MDGA1: variants seen among roughly 807,000 people sequenced by gnomAD.
MDGA1 encodes the protein MAM domain-containing glycosylphosphatidylinositol anchor protein 1.
MDGA1 carries 54 observed loss-of-function variants against 101.5 expected under a neutral mutation model. That is an observed-to-expected ratio of 0.53 (90% CI 0.43 to 0.67). The LOEUF (loss-of-function observed/expected upper bound fraction) is 0.67, where lower values mean the gene tolerates loss of function less well. MDGA1 is among the 30% of genes least tolerant of loss of function. The pLI, the probability that MDGA1 is intolerant of heterozygous loss-of-function variation, is 0.00. For missense variants in MDGA1, 1,083 were observed against 1,323.8 expected (o/e 0.82, Z 2.82); for synonymous variants, 533 against 558.3 (o/e 0.95, Z 0.64).
intron 3 of MDGA1, among the ~76,000 whole-genome samples, chr6:37,656,991 G>A (rs1440791192): frequency 1.3e-5 from 2 of 152,082 alleles, no homozygotes; most frequent in African/African-American, 4.8e-5. Context: ...AACAATGATT[G>A]CCTCCCAGGG....
At chr6:37,671,636 A>C (rs893408744) in intron 1 of MDGA1, among the ~76,000 whole-genome samples, 7 of 152,220 alleles carry the variant, frequency 4.6e-5, no homozygotes, top group African/African-American at 1.2e-4. Flanking sequence ...TGAGGAAGCC[A>C]CAAACTCTCA....
At position 37,636,945 on chromosome 6, in the gene MDGA1, C is replaced by G. The variant is rs1187356089; in HGVS notation, c.*423G>C. The G allele has an allele frequency of 1.9e-5, 3 of 154,904 alleles. No individual in the cohort carries two copies. Among genetic ancestry groups the G allele is most frequent in the African/African-American group, 7.2e-5 (3 of 41,530 alleles). The allele number at this position is 154,904 out of a possible 1,614,324, so 9.6% of individuals were successfully genotyped here. A position where few individuals can be genotyped will look rare whatever the true frequency, so the allele number is the denominator to read the frequency against. Reference sequence around the variant, plus strand: ...TTCTGGCTCCCTTCTGGCAAAGCCACCAGGCTGGAGTTCGGCCTTGACTTA... The same window carrying G: ...TTCTGGCTCCCTTCTGGCAAAGCCAGCAGGCTGGAGTTCGGCCTTGACTTA... On this transcript the variant is annotated 3_prime_UTR_variant, in exon 17 of 17. Transcript: ENST00000434837.
Position 37,696,538 on chromosome 6 carries a change from C to A in MDGA1, c.67+207G>T, listed in dbSNP as rs1244399488. On this transcript the variant is annotated intron_variant, in intron 1 of 16. Transcript: ENST00000434837. This position sits in a 1 kb window ranked among gnomAD's most constrained non-coding sequence, Gnocchi z 5.6. ...AAGTGGGTGCCTCCTCCTGACATCC[C>A]GGCTTCCCACCAGACCCTACGACCG... Among the ~76,000 whole-genome samples, 1 of 152,196 alleles carries A rather than the reference C, an allele frequency of 6.6e-6. No individual in the cohort carries two copies. The highest frequency in any genetic ancestry group is 2.4e-5 in the African/African-American group (1 of 41,448).
intron 14 of MDGA1, chr6:37,639,869 T>TTGG (rs1261157145): frequency 1.6e-4 from 25 of 152,206 alleles, no homozygotes; most frequent in African/African-American, 6.0e-4. Context: ...ATGATAGGAT[T>TTGG]TGGTCTTCAT....
chr6:37,658,272 T>C lies in MDGA1; in HGVS notation c.355A>G (p.Ile119Val). 1 of 1,606,772 alleles carries C rather than the reference T, an allele frequency of 6.2e-7. No individual in the cohort carries two copies. The highest frequency in any genetic ancestry group is 8.5e-7 in the Non-Finnish European group (1 of 1,176,564). Residue 119 changes from isoleucine (I) to valine (V), a missense_variant, in exon 3 of 17, where the codon ATC (isoleucine) becomes GTC (valine). Around this residue, in one of 3 missense-constraint regions of MDGA1, gnomAD observed 310 missense variants for 355.9 expected, o/e 0.87. Coordinates refer to ENST00000434837, the MANE Select transcript of MDGA1 (RefSeq NM_153487.4). ...KAENGVGVPAIKSIRVDVQYL... is the reference protein window; with the variant it reads ...KAENGVGVPAVKSIRVDVQYL... ...TGCACGTCCACGCGGATGGACTTGATGGCCGGCACCCCCACGCCGTTCTCA... is the reference window on the plus strand; with the variant it reads ...TGCACGTCCACGCGGATGGACTTGACGGCCGGCACCCCCACGCCGTTCTCA...
chr6:37,684,568 T>C (rs1762159460), intron 1 of MDGA1, among the ~76,000 whole-genome samples: 1 of 152,232 alleles, frequency 6.6e-6, no homozygotes, highest in African/African-American at 2.4e-5. Flanking sequence ...TTGACATGGC[T>C]TTTAACTTCA....
chr6:37,638,457 A>C lies in MDGA1; in HGVS notation c.2667+80T>G, dbSNP rs1331849399. 1.9e-6 allele frequency: 3 copies of C among 1,590,678 alleles called. No individual in the cohort carries two copies. In the South Asian group the frequency reaches 3.3e-5, roughly 18 times the overall value. On this transcript the variant is annotated intron_variant, in intron 15 of 16. Transcript: ENST00000434837. This position sits in a 1 kb window ranked among gnomAD's most constrained non-coding sequence, Gnocchi z 4.8. ...TTTCCATCCTTAGCCCCCAGGAAGA[A>C]GGACAAGGTTTTCCTAAGTGTTTCC...
rs1012109055 is a variant in MDGA1 at position 37,647,155 on chromosome 6, C to T, written c.2046+18G>A. 17 of 1,584,672 alleles carry T rather than the reference C, an allele frequency of 1.1e-5. No individual in the cohort carries two copies. Among genetic ancestry groups the T allele is most frequent in the Middle Eastern group, 1.7e-4 (1 of 5,962 alleles). On this transcript the variant is annotated intron_variant, in intron 10 of 16. Transcript: ENST00000434837. ...CACACTCCACCTGCCCCCAGGCCCC[C>T]GCTCCCCCTTGGCCCACCTGGCGGA...
Position 37,638,266 on chromosome 6 carries a change from G to A in MDGA1, c.2715C>T (p.Ala905=). ...VRGPGYLGDI[A]IDDVTLKKGE... ...CCTTCTTCAGTGTGACGTCATCTAT[G>A]GCAATATCCCCCAGGTAGCCCGGGC... Residue 905 remains alanine, a synonymous_variant, in exon 16 of 17, where the codon GCC becomes GCT. Transcript: ENST00000434837. This position sits in a 1 kb window ranked among gnomAD's most constrained non-coding sequence, Gnocchi z 4.8. The A allele has an allele frequency of 5.0e-6, 8 of 1,613,554 alleles. No homozygotes were observed. The highest frequency in any genetic ancestry group is 6.8e-6 in the Non-Finnish European group (8 of 1,179,768).
At chr6:37,648,861 T>G in intron 9 of MDGA1, 121 bp downstream of exon 9, 3 of 1,410,942 alleles carry the variant, frequency 2.1e-6, no homozygotes, top group East Asian at 2.9e-5. Context: ...AAGCCTGGAG[T>G]AGGTGGGCTT....
chr6:37,632,011 A>G lies in MDGA1; in HGVS notation c.*5357T>C, dbSNP rs1763830814. On this transcript the variant is annotated 3_prime_UTR_variant, in exon 17 of 17. Coordinates refer to ENST00000434837, the MANE Select transcript of MDGA1 (RefSeq NM_153487.4). ...CCTTTGCCCTTACTCCCCTTCCTTG[A>G]GCCTTCTAAGTTTTTGGGCCCTGTT... The G allele has an allele frequency of 6.6e-6, 1 of 152,178 alleles. No individual in the cohort carries two copies. The highest frequency in any genetic ancestry group is 1.5e-5 in the Non-Finnish European group (1 of 68,048). The allele number at this position is 152,178 out of a possible 1,614,324, so 9.4% of individuals were successfully genotyped here.
rs1762417086 is a variant in MDGA1, at chr6:37,696,278, AC to A, written c.67+466del. 6.6e-6 allele frequency among the ~76,000 whole-genome samples: 1 copy of A among 152,194 alleles called. No homozygotes were observed. The highest frequency in any genetic ancestry group is 1.5e-5 in the Non-Finnish European group (1 of 68,022). ...GAGTAGAAGAAGCGAAGCCGCAGCA[AC>A]AGCGGGGAAGGCGAGCCCGCCGCCC... On this transcript the variant is annotated intron_variant, in intron 1 of 16. Coordinates refer to ENST00000434837, the MANE Select transcript of MDGA1 (RefSeq NM_153487.4). The surrounding 1 kb of genome is among the most constrained non-coding windows in gnomAD (Gnocchi z 5.6).
Position 37,636,925 on chromosome 6 carries a change from G to A in MDGA1, c.*443C>T, listed in dbSNP as rs41273090. 2,690 of 154,098 alleles carry A rather than the reference G, an allele frequency of 0.017. 80 individuals carry two copies. The highest frequency in any genetic ancestry group is 0.061 in the African/African-American group (2,534 of 41,586). The allele number at this position is 154,098 out of a possible 1,614,324, so 9.5% of individuals were successfully genotyped here. On this transcript the variant is annotated 3_prime_UTR_variant, in exon 17 of 17. Transcript: ENST00000434837. ...GGGCTCCATGTCTGCCCCACTTCTG[G>A]CTCCCTTCTGGCAAAGCCACCAGGC...
At chr6:37,676,439 C>T (rs1761979970) in intron 1 of MDGA1, among the ~76,000 whole-genome samples, 1 of 152,250 alleles carries the variant, frequency 6.6e-6, no homozygotes, top group African/African-American at 2.4e-5. Flanking sequence ...CAAGTAGGCT[C>T]AGCTTGGGGT....
intron 1 of MDGA1, among the ~76,000 whole-genome samples, chr6:37,675,585 G>C (rs1438831794): frequency 6.6e-6 from 1 of 152,164 alleles, no homozygotes; most frequent in Non-Finnish European, 1.5e-5. Context: ...GCTGAAAGTA[G>C]TAATAATCAC....
intron 2 of MDGA1, among the ~76,000 whole-genome samples, chr6:37,662,806 A>G (rs1388793449): frequency 6.6e-6 from 1 of 152,150 alleles, no homozygotes; most frequent in African/African-American, 2.4e-5. Flanking sequence ...CACATGACCC[A>G]TACAGGGACA....
intron 14 of MDGA1, chr6:37,639,514 G>A (rs9394445): frequency 0.17 from 25,592 of 152,164 alleles, 2,492 homozygotes; most frequent in Middle Eastern, 0.23. Context: ...TGATCTGGGC[G>A]CTGTCAGCTT....
intron 1 of MDGA1, among the ~76,000 whole-genome samples, chr6:37,681,115 C>T (rs1762088133): frequency 6.6e-6 from 1 of 152,220 alleles, no homozygotes; most frequent in Non-Finnish European, 1.5e-5. Flanking sequence ...TGACCCCCTT[C>T]CTGCCTGAGT....
chr6:37,637,049 C>T lies in MDGA1; in HGVS notation c.*319G>A, dbSNP rs1022204962. 1.6e-5 allele frequency: 4 copies of T among 246,294 alleles called. No homozygotes were observed. The highest frequency in any genetic ancestry group is 1.1e-4 in the South Asian group (1 of 9,502). The allele number at this position is 246,294 out of a possible 1,614,324, so 15.3% of individuals were successfully genotyped here. Reference sequence around the variant, plus strand: ...TGTTGCGCCGAGGTCCCTGGGTTGGCGGATGCCATTCAGGCAAGTCCCCTG... The same window carrying T: ...TGTTGCGCCGAGGTCCCTGGGTTGGTGGATGCCATTCAGGCAAGTCCCCTG... On this transcript the variant is annotated 3_prime_UTR_variant, in exon 17 of 17. Coordinates refer to ENST00000434837, the MANE Select transcript of MDGA1 (RefSeq NM_153487.4).
Sources: allele counts gnomAD v4.1 joint callset (sites outside exome capture counted in the v4.1 genomes callset), GRCh38; gene constraint gnomAD v4.1.1; regional missense constraint gnomAD v4.1.1; non-coding constraint Gnocchi (gnomAD v3.1); transcripts MANE v1.5; gene names NCBI Gene and HGNC (gene_info 2026-07-23, HGNC 2026-07-21).